SNAPIN: variants seen among roughly 807,000 people sequenced by gnomAD.
SNAPIN encodes SNAP associated protein, also known as SNARE-associated protein Snapin.
Under a neutral mutation model 15.9 loss-of-function variants are expected in SNAPIN, and 16 were observed. The observed-to-expected ratio is 1.01, with a 90% CI of 0.68 to 1.53. The LOEUF is 1.53. Among genes scored for constraint, SNAPIN ranks in the 40% most tolerant of loss-of-function variants. The pLI is 0.00. For missense variants in SNAPIN, 186 were observed against 180.1 expected (o/e 1.03, Z -0.19); for synonymous variants, 83 against 76.2 (o/e 1.09, Z -0.46).
chr1:153,660,321 C>T (rs1413788912), intron 3 of SNAPIN, among the ~76,000 whole-genome samples: 1 of 148,058 alleles, frequency 6.8e-6, no homozygotes, highest in Non-Finnish European at 1.5e-5. Flanking sequence ...CTGCACCCGG[C>T]CTGCCTGGCC....
chr1:153,658,666 C>T, upstream of SNAPIN: 1 of 1,420,370 alleles, frequency 7.0e-7, no homozygotes, highest in Middle Eastern at 2.6e-4. Context: ...GGCGCCCCCT[C>T]ACGGGGCGGG....
intron 1 of SNAPIN, 115 bp from the exon 2 acceptor site, chr1:153,659,023 A>C (rs1669085489): frequency 5.8e-6 from 9 of 1,543,624 alleles, no homozygotes; most frequent in Non-Finnish European, 8.0e-6. Flanking sequence ...GGAAGGCCGC[A>C]GGTGGAGGGT....
intron 2 of SNAPIN, 115 bp from the exon 3 acceptor site, chr1:153,659,333 C>CT: frequency 8.1e-7 from 1 of 1,232,190 alleles, no homozygotes; most frequent in Non-Finnish European, 1.2e-6. Context: ...TCTTAAATCT[C>CT]TAATGGCTGT....
rs755174495 is a variant in SNAPIN at position 153,661,221 on chromosome 1, C to T, written c.331C>T (p.His111Tyr). The change falls in exon 4 of 4, where the codon CAC (histidine) becomes TAC (tyrosine). Residue 111 changes from histidine to tyrosine, a missense_variant. By Grantham distance (83) the His-to-Tyr change is moderately conservative. Transcript: ENST00000368685. ...NAQERLRRLN[H>Y]SVAKETARRR... ...GTAGGAACGACTGAGACGGCTAAAC[C>T]ACAGTGTTGCCAAGGAAACAGCCCG... 6.2e-7 allele frequency: 1 copy of T among 1,613,712 alleles called. No individual in the cohort carries two copies. Among genetic ancestry groups the T allele is most frequent in the South Asian group, 1.1e-5 (1 of 91,066 alleles).
chr1:153,659,210 G>C lies in SNAPIN; in HGVS notation c.190+26G>C, dbSNP rs373925125. 4.5e-5 allele frequency: 72 copies of C among 1,612,872 alleles called. No individual in the cohort carries two copies. The African/African-American group carries it at 9.2e-4, about 21-fold the overall frequency. On this transcript the variant is annotated intron_variant, in intron 2 of 3. Coordinates refer to ENST00000368685, the MANE Select transcript of SNAPIN (RefSeq NM_012437.6). ...GTGAGTGAGCATCCCTGTGTACCCG[G>C]AATTCTTCAGCCCACTTTCAGGACC...
In SNAPIN at chr1:153,661,231, C is replaced by T; in HGVS notation, c.341C>T (p.Ala114Val). The change falls in exon 4 of 4, where the codon GCC becomes GTC. Residue 114 changes from alanine to valine, a missense_variant. By Grantham distance (64) the Ala-to-Val change is moderately conservative. Coordinates refer to ENST00000368685, the MANE Select transcript of SNAPIN (RefSeq NM_012437.6). Reference protein sequence around the residue: ...ERLRRLNHSVAKETARRRAML... With the variant: ...ERLRRLNHSVVKETARRRAML... ...CTGAGACGGCTAAACCACAGTGTTG[C>T]CAAGGAAACAGCCCGCAGGAGAGCA... The T allele has an allele frequency of 6.2e-7, 1 of 1,613,784 alleles. No individual in the cohort carries two copies. Among genetic ancestry groups the T allele is most frequent in the South Asian group, 1.1e-5 (1 of 91,072 alleles).
intron 3 of SNAPIN, among the ~76,000 whole-genome samples, chr1:153,660,469 A>G (rs1259987065): frequency 6.6e-6 from 1 of 151,530 alleles, no homozygotes; most frequent in Non-Finnish European, 1.5e-5. Flanking sequence ...ACCAACATAG[A>G]GAAACCCCGT....
At chr1:153,659,609 G>T (rs776729624) in intron 3 of SNAPIN, 43 bp downstream of exon 3, 1 of 1,387,066 alleles carries the variant, frequency 7.2e-7, no homozygotes, top group East Asian at 2.3e-5. Flanking sequence ...GCCCTTTTTT[G>T]TAAGTCCTCA....
chr1:153,660,376 C>A (rs6427640), intron 3 of SNAPIN, among the ~76,000 whole-genome samples: 90,468 of 146,992 alleles, frequency 0.62, 28,704 homozygotes, highest in African/African-American at 0.74. Context: ...CGGCTGGGCG[C>A]GGTGGCTCTT....
intron 3 of SNAPIN, among the ~76,000 whole-genome samples, chr1:153,660,877 C>G (rs1327247353): frequency 6.6e-6 from 1 of 151,514 alleles, no homozygotes; most frequent in Non-Finnish European, 1.5e-5. Context: ...CTCCACCTCC[C>G]GGTTTCAAGC....
In SNAPIN at chr1:153,661,217, A is replaced by T. The variant is rs182126150; in HGVS notation, c.327A>T (p.Leu109=). The change falls in exon 4 of 4, where the codon CTA becomes CTT. Residue 109 remains leucine, a synonymous_variant. Transcript: ENST00000368685. Reference sequence around the variant, plus strand: ...TCTTGTAGGAACGACTGAGACGGCTAAACCACAGTGTTGCCAAGGAAACAG... The same window carrying T: ...TCTTGTAGGAACGACTGAGACGGCTTAACCACAGTGTTGCCAAGGAAACAG... The part of the protein sequence containing the change: ...LQNAQERLRR[L]NHSVAKETAR... 1 of 1,613,646 alleles carries T rather than the reference A, an allele frequency of 6.2e-7. No homozygotes were observed. The highest frequency in any genetic ancestry group is 1.3e-5 in the African/African-American group (1 of 74,900).
intron 2 of SNAPIN, 93 bp downstream of exon 2, chr1:153,659,277 C>T (rs1352967793): frequency 7.1e-7 from 1 of 1,416,442 alleles, no homozygotes; most frequent in Non-Finnish European, 1.0e-6. Flanking sequence ...CTGTCACTTG[C>T]TTCCAGGGCA....
chr1:153,661,272 A>G lies in SNAPIN; in HGVS notation c.382A>G (p.Ile128Val). ...ARRRAMLDSGIYPPGSPGK is the reference protein window; with the variant it reads ...ARRRAMLDSGVYPPGSPGK ...CAGGAGAGCAATGCTGGATTCGGGA[A>G]TTTACCCCCCTGGCTCCCCAGGCAA... Residue 128 changes from isoleucine to valine, a missense_variant, in exon 4 of 4, where the codon ATT becomes GTT. Ile to Val is a conservative substitution (Grantham distance 29, BLOSUM62 3). Coordinates refer to ENST00000368685, the MANE Select transcript of SNAPIN (RefSeq NM_012437.6). The G allele has an allele frequency of 6.2e-7, 1 of 1,613,500 alleles. No homozygotes were observed. The highest frequency in any genetic ancestry group is 1.1e-5 in the South Asian group (1 of 91,072).
In SNAPIN at chr1:153,661,267, C is replaced by G. The variant is rs745844622; in HGVS notation, c.377C>G (p.Ser126Trp). ...GCCCGCAGGAGAGCAATGCTGGATT[C>G]GGGAATTTACCCCCCTGGCTCCCCA... ...ETARRRAMLD[S>W]GIYPPGSPGK is the part of the protein sequence containing the mutation. The change falls in exon 4 of 4, where the codon TCG (serine) becomes TGG (tryptophan). Residue 126 changes from serine to tryptophan, a missense_variant. Coordinates refer to ENST00000368685, the MANE Select transcript of SNAPIN (RefSeq NM_012437.6). The G allele has an allele frequency of 3.1e-6, 5 of 1,613,488 alleles. No homozygotes were observed. Among genetic ancestry groups the G allele is most frequent in the African/African-American group, 1.3e-5 (1 of 74,882 alleles).
chr1:153,661,167 T>G, intron 3 of SNAPIN, 33 bp from the exon 4 acceptor site: 2 of 1,571,550 alleles, frequency 1.3e-6, no homozygotes, highest in South Asian at 2.2e-5. Flanking sequence ...CCTTTCACAG[T>G]GGTTAAGATT....
At chr1:153,661,115 C>T (rs560919196) in intron 3 of SNAPIN, 85 bp from the exon 4 acceptor site, 16 of 1,064,728 alleles carry the variant, frequency 1.5e-5, no homozygotes, top group East Asian at 5.0e-5. Flanking sequence ...AGGTAGATCA[C>T]GCCCGGTATT....
intron 3 of SNAPIN, among the ~76,000 whole-genome samples, chr1:153,660,256 C>T (rs1433731342): frequency 2.0e-5 from 3 of 151,612 alleles, no homozygotes; most frequent in Non-Finnish European, 4.4e-5. Context: ...CTCCTGCATG[C>T]GAGTGATCCA....
Sources: allele counts gnomAD v4.1 joint callset (sites outside exome capture counted in the v4.1 genomes callset), GRCh38; gene constraint gnomAD v4.1.1; transcripts MANE v1.5; gene names NCBI Gene and HGNC (gene_info 2026-07-23, HGNC 2026-07-21).